AGBL4: variants seen among roughly 807,000 people sequenced by gnomAD.
The protein encoded by AGBL4 is cytosolic carboxypeptidase 6.
A neutral mutation model predicts 66.4 loss-of-function variants in AGBL4; 58 were observed. The observed-to-expected ratio is 0.87, with a 90% CI of 0.71 to 1.09. The LOEUF (loss-of-function observed/expected upper bound fraction) is 1.09. Ranked by LOEUF, AGBL4 falls within the 50% of genes least tolerant of loss-of-function variation. AGBL4 has a pLI of 0.00. For missense variants in AGBL4, 579 were observed against 631.0 expected (o/e 0.92, Z 0.88); for synonymous variants, 234 against 222.9 (o/e 1.05, Z -0.44).
intron 4 of AGBL4, among the ~76,000 whole-genome samples, chr1:49,196,179 T>C (rs961850709): frequency 1.6e-4 from 24 of 152,192 alleles, no homozygotes; most frequent in Non-Finnish European, 3.4e-4. Flanking sequence ...GTAAGTTTGG[T>C]CACTTTATAT....
chr1:48,605,019 A>G (rs1285777792), intron 9 of AGBL4, among the ~76,000 whole-genome samples: 1 of 152,234 alleles, frequency 6.6e-6, no homozygotes, highest in Non-Finnish European at 1.5e-5. Flanking sequence ...CCTTTGACAC[A>G]TGAAATACTA....
chr1:48,687,656 G>A (rs965388186), intron 6 of AGBL4, among the ~76,000 whole-genome samples: 6 of 152,192 alleles, frequency 3.9e-5, no homozygotes, highest in African/African-American at 1.4e-4. Flanking sequence ...TGACCTTGAG[G>A]CTACTTCCTG....
chr1:49,530,056 A>G (rs1650972504), intron 3 of AGBL4, among the ~76,000 whole-genome samples: 1 of 151,824 alleles, frequency 6.6e-6, no homozygotes, highest in African/African-American at 2.4e-5. Context: ...TTTTGAATGA[A>G]TAATAAAAGA....
At chr1:49,774,441 G>A (rs1644145656) in intron 2 of AGBL4, among the ~76,000 whole-genome samples, 1 of 152,166 alleles carries the variant, frequency 6.6e-6, no homozygotes, top group South Asian at 2.1e-4. Flanking sequence ...TGTCCACCCT[G>A]TTGAAATATA....
chr1:49,195,110 GA>G (rs1647203065), intron 4 of AGBL4, among the ~76,000 whole-genome samples: 1 of 151,934 alleles, frequency 6.6e-6, no homozygotes, highest in Admixed American at 6.6e-5. Flanking sequence ...CCAAAATGTC[GA>G]GATTGAAGGT....
intron 3 of AGBL4, among the ~76,000 whole-genome samples, chr1:49,248,623 G>T (rs1373872595): frequency 6.6e-6 from 1 of 151,976 alleles, no homozygotes; most frequent in Non-Finnish European, 1.5e-5. Context: ...TTTAGGAAAG[G>T]TAATTATTCT....
intron 1 of AGBL4, among the ~76,000 whole-genome samples, chr1:50,006,941 T>C (rs149834141): frequency 7.2e-4 from 110 of 152,292 alleles, no homozygotes; most frequent in African/African-American, 1.9e-3. Flanking sequence ...AACACTGTAA[T>C]TGTGGTACAC....
intron 5 of AGBL4, among the ~76,000 whole-genome samples, chr1:48,947,212 T>C (rs1159922389): frequency 6.6e-6 from 1 of 152,252 alleles, no homozygotes; most frequent in Non-Finnish European, 1.5e-5. Flanking sequence ...CCTCCCCTTG[T>C]ATGTTTTCTT....
chr1:49,695,992 A>T (rs1318287554), intron 3 of AGBL4, among the ~76,000 whole-genome samples: 4 of 152,110 alleles, frequency 2.6e-5, no homozygotes, highest in African/African-American at 9.7e-5. Flanking sequence ...AGATAAAATG[A>T]TGAGAAGCAA....
At chr1:48,591,111 CA>C in intron 9 of AGBL4, 126 bp from the exon 10 acceptor site, 1 of 830,730 alleles carries the variant, frequency 1.2e-6, no homozygotes, top group Non-Finnish European at 1.8e-6. Flanking sequence ...CACACACACA[CA>C]CATCAAGCTG....
intron 6 of AGBL4, among the ~76,000 whole-genome samples, chr1:48,702,797 T>C (rs1041850010): frequency 6.6e-6 from 1 of 152,136 alleles, no homozygotes; most frequent in Non-Finnish European, 1.5e-5. Context: ...AAGGAGGAAG[T>C]ACAAATTGCA....
chr1:49,426,727 G>GA (rs899630542), intron 3 of AGBL4, among the ~76,000 whole-genome samples: 4 of 152,140 alleles, frequency 2.6e-5, no homozygotes, highest in African/African-American at 9.7e-5. Flanking sequence ...TACAGATGAG[G>GA]AAACTGAGAG....
chr1:49,879,990 G>A (rs988829169), intron 1 of AGBL4, among the ~76,000 whole-genome samples: 9 of 148,764 alleles, frequency 6.0e-5, no homozygotes, highest in African/African-American at 1.2e-4. Flanking sequence ...TGTAGTTCTC[G>A]AGCCTTGGTT....
intron 6 of AGBL4, among the ~76,000 whole-genome samples, chr1:48,740,212 G>C (rs1169871959): frequency 6.6e-6 from 1 of 152,224 alleles, no homozygotes; most frequent in Non-Finnish European, 1.5e-5. Context: ...CGGGGCATTT[G>C]AGACAAGGGC....
At chr1:49,211,120 C>A (rs11205609) in intron 4 of AGBL4, among the ~76,000 whole-genome samples, 65,755 of 151,972 alleles carry the variant, frequency 0.43, 16,853 homozygotes, top group Non-Finnish European at 0.58. Flanking sequence ...AACATTCCAT[C>A]ACATCCATGT....
intron 3 of AGBL4, among the ~76,000 whole-genome samples, chr1:49,491,370 A>G (rs1647181188): frequency 6.6e-6 from 1 of 151,800 alleles, no homozygotes; most frequent in South Asian, 2.1e-4. Context: ...GCAAAGGGAG[A>G]GTACTAGGGA....
intron 2 of AGBL4, among the ~76,000 whole-genome samples, chr1:49,811,782 T>C (rs1405423875): frequency 1.3e-5 from 2 of 152,064 alleles, no homozygotes; most frequent in East Asian, 3.9e-4. Context: ...ACTAGACAAA[T>C]TATATAGCAC....
intron 6 of AGBL4, chr1:48,728,096 A>G (rs1647462758): frequency 6.6e-7 from 1 of 1,515,374 alleles, no homozygotes; most frequent in Non-Finnish European, 8.9e-7. Context: ...TCAAGTAAAA[A>G]TCTTTTAAGG....
At chr1:49,821,622 T>C (rs562205776) in intron 2 of AGBL4, among the ~76,000 whole-genome samples, 113 of 152,302 alleles carry the variant, frequency 7.4e-4, no homozygotes, top group African/African-American at 2.5e-3. Flanking sequence ...ATAAAGCCAA[T>C]GGAGTAAGGA....
Sources: allele counts gnomAD v4.1 joint callset (sites outside exome capture counted in the v4.1 genomes callset), GRCh38; gene constraint gnomAD v4.1.1; transcripts MANE v1.5; gene names NCBI Gene and HGNC (gene_info 2026-07-23, HGNC 2026-07-21).